SLCO1A2: variants seen among roughly 807,000 people sequenced by gnomAD.
SLCO1A2 encodes the protein OATP-1.
In SLCO1A2, 67 loss-of-function variants were observed where a neutral mutation model predicts 69.0. The ratio of observed to expected loss-of-function variants is 0.97; its 90% CI spans 0.80 to 1.19. The LOEUF (loss-of-function observed/expected upper bound fraction) is 1.19. Ranked by LOEUF, SLCO1A2 falls within the 50% of genes most tolerant of loss-of-function variation. The pLI is 0.00. For missense variants in SLCO1A2, 787 were observed against 793.7 expected (o/e 0.99, Z 0.10); for synonymous variants, 260 against 265.9 (o/e 0.98, Z 0.22).
intron 14 of SLCO1A2, among the ~76,000 whole-genome samples, chr12:21,271,281 T>A (rs1743454223): frequency 6.6e-6 from 1 of 151,836 alleles, no homozygotes; most frequent in South Asian, 2.1e-4. Context: ...GAAGCTGATA[T>A]CAGAAACCAC....
chr12:21,270,521 T>C (rs1942617290), intron 14 of SLCO1A2, among the ~76,000 whole-genome samples: 1 of 151,740 alleles, frequency 6.6e-6, no homozygotes, highest in Non-Finnish European at 1.5e-5. Flanking sequence ...TTACAAAATT[T>C]TCCCTTTTTC....
intron 2 of SLCO1A2, among the ~76,000 whole-genome samples, chr12:21,345,556 T>C (rs989753272): frequency 4.6e-5 from 7 of 152,182 alleles, no homozygotes. Context: ...CAGTATCTTG[T>C]TGAAAATTAT....
chr12:21,395,706 TCCCTGAC>T (rs1460860803), upstream of SLCO1A2, among the ~76,000 whole-genome samples: 1 of 152,070 alleles, frequency 6.6e-6, no homozygotes, highest in African/African-American at 2.4e-5. Flanking sequence ...CTCAAGTGGG[TCCCTGAC>T]CCCTGACCCC....
At chr12:21,397,148 C>G (rs1243204387), upstream of SLCO1A2, among the ~76,000 whole-genome samples, 1 of 152,002 alleles carries the variant, frequency 6.6e-6, no homozygotes, top group East Asian at 1.9e-4. Flanking sequence ...CAGAGACACA[C>G]ATAGGCTCAA....
intron 1 of SLCO1A2, among the ~76,000 whole-genome samples, chr12:21,415,951 C>T (rs1162722319): frequency 6.6e-6 from 1 of 152,016 alleles, no homozygotes; most frequent in Admixed American, 6.6e-5. Context: ...CTTTCAATAC[C>T]TCATTCTCAA....
At chr12:21,374,837 C>G (rs1204748219) in intron 1 of SLCO1A2, among the ~76,000 whole-genome samples, 2 of 151,796 alleles carry the variant, frequency 1.3e-5, no homozygotes, top group South Asian at 2.1e-4. Flanking sequence ...CTCTCTCTCT[C>G]TCTGTCTCTG....
At position 21,331,862 on chromosome 12, in the gene SLCO1A2, A is replaced by G. The variant is rs372627277; in HGVS notation, c.60+2726T>C. On this transcript the variant is annotated intron_variant, in intron 2 of 14. Coordinates refer to ENST00000683939, the MANE Select transcript of SLCO1A2 (RefSeq NM_001386879.1). ...AGTTGTAGAGAAAAATAAATTTTAG[A>G]TCTTAACCAAATTTAGGGGATTGGG... is the stretch of plus-strand genomic sequence containing the variant. Among the ~76,000 whole-genome samples, 9 of 152,082 alleles carry G rather than the reference A, an allele frequency of 5.9e-5. No homozygotes were observed. In the East Asian group the frequency reaches 1.4e-3, roughly 23 times the overall value.
chr12:21,394,982 AG>A lies in SLCO1A2; in HGVS notation c.-267del, dbSNP rs577769032. 2.3e-3 allele frequency: 345 copies of A among 152,626 alleles called. 3 individuals are homozygous for A. The Middle Eastern group carries it at 0.037, about 16-fold the overall frequency. 9.5% of individuals were successfully genotyped at this position (152,626 alleles called of 1,614,324 possible). On this transcript the variant is annotated 5_prime_UTR_variant, in exon 1 of 16. Transcript: ENST00000307378. The stretch of plus-strand genomic sequence containing the variant: ...CCGTAAGTGTGCTGTGAAATAACCA[AG>A]GTAGTCCCATTAAAATCAGGAACAA...
At chr12:21,276,935 C>T (rs12820529) in intron 12 of SLCO1A2, among the ~76,000 whole-genome samples, 13,829 of 152,298 alleles carry the variant, frequency 0.091, 879 homozygotes, top group Non-Finnish European at 0.13. Flanking sequence ...CAAACGTGCT[C>T]TCCCTAAATA....
At chr12:21,333,507 A>C (rs1038940673) in intron 2 of SLCO1A2, among the ~76,000 whole-genome samples, 1 of 152,144 alleles carries the variant, frequency 6.6e-6, no homozygotes, top group Admixed American at 6.6e-5. Flanking sequence ...GAAACAGAGA[A>C]ACCTAACTTG....
upstream of SLCO1A2, among the ~76,000 whole-genome samples, chr12:21,335,699 C>T (rs558350139): frequency 1.6e-4 from 24 of 152,182 alleles, no homozygotes; most frequent in Non-Finnish European, 2.6e-4. Flanking sequence ...AAACCAACTG[C>T]TTTACCTCTA....
intron 2 of SLCO1A2, among the ~76,000 whole-genome samples, chr12:21,358,239 A>G (rs1390836357): frequency 6.6e-6 from 1 of 152,240 alleles, no homozygotes; most frequent in Non-Finnish European, 1.5e-5. Flanking sequence ...AAGAGATGAA[A>G]GTATGCTGGA....
At chr12:21,417,546 TGG>T (rs1178539361) in intron 1 of SLCO1A2, among the ~76,000 whole-genome samples, 10 of 151,292 alleles carry the variant, frequency 6.6e-5, no homozygotes, top group African/African-American at 2.2e-4. Flanking sequence ...GAGGGGAATT[TGG>T]AAATGGGAAA....
rs371793334 is a variant in SLCO1A2, at chr12:21,372,278, A to AT, written c.-63+2120dup. 3.1e-4 allele frequency among the ~76,000 whole-genome samples: 47 copies of AT among 152,134 alleles called. 1 individual carries two copies. In the South Asian group the frequency reaches 9.3e-3, roughly 30 times the overall value. On this transcript the variant is annotated intron_variant, in intron 2 of 15. Transcript: ENST00000307378. The stretch of plus-strand genomic sequence containing the variant: ...TCTCTATCTAAGTGCTGAAAAATGA[A>AT]TTTTTTTATTCATTTGGTTATGTAG...
At chr12:21,412,967 T>C in intron 1 of SLCO1A2, among the ~76,000 whole-genome samples, 1 of 152,326 alleles carries the variant, frequency 6.6e-6, no homozygotes, top group Middle Eastern at 3.4e-3. Flanking sequence ...TACCCAGTTC[T>C]GCCAGATATG....
At chr12:21,415,010 A>G (rs1363392936) in intron 1 of SLCO1A2, among the ~76,000 whole-genome samples, 1 of 151,860 alleles carries the variant, frequency 6.6e-6, no homozygotes. Context: ...TTTTCTTCAT[A>G]TTTTTACTTT....
intron 1 of SLCO1A2, among the ~76,000 whole-genome samples, chr12:21,412,870 A>T (rs1941930203): frequency 6.6e-6 from 1 of 152,184 alleles, no homozygotes; most frequent in African/African-American, 2.4e-5. Context: ...TGACCTGTAC[A>T]CTTAGACTCC....
chr12:21,389,182 T>A (rs1451052605), intron 1 of SLCO1A2, among the ~76,000 whole-genome samples: 1 of 152,156 alleles, frequency 6.6e-6, no homozygotes, highest in Non-Finnish European at 1.5e-5. Flanking sequence ...TTTTCATCTA[T>A]AATAAAGGAA....
chr12:21,329,523 T>A (rs1031408049), intron 2 of SLCO1A2, among the ~76,000 whole-genome samples: 1 of 151,788 alleles, frequency 6.6e-6, no homozygotes, highest in Admixed American at 6.6e-5. Flanking sequence ...TTTATTAGTT[T>A]GCATCTCCTT....
Sources: gnomAD v4.1 joint callset for allele counts (sites outside exome capture counted in the v4.1 genomes callset) on GRCh38, gnomAD v4.1.1 for gene constraint, MANE v1.5 for transcripts, NCBI Gene and HGNC (gene_info 2026-07-23, HGNC 2026-07-21) for gene names.